The following EPB41L5 variants were observed in gnomAD, a reference collection of about 807,000 sequenced individuals.
EPB41L5 encodes the protein erythrocyte membrane protein band 4.1 like 5, also known as band 4.1-like protein 5.
EPB41L5 carries 55 observed loss-of-function variants against 106.6 expected under a neutral mutation model. The observed-to-expected ratio is 0.52, with a 90% CI of 0.42 to 0.65. The LOEUF is 0.65. EPB41L5 is among the 30% of genes least tolerant of loss of function. The probability of loss-of-function intolerance (pLI) is 0.00; values close to 1 mark genes in which losing one functional copy is unlikely to be tolerated. For synonymous variants in EPB41L5, 297 were observed against 306.7 expected, an observed-to-expected ratio of 0.97 and a Z score of 0.33; for missense variants, 871 against 882.1, an observed-to-expected ratio of 0.99 and a Z score of 0.16.
chr2:120,070,462 G>A (rs1405348661), intron 3 of EPB41L5, among the ~76,000 whole-genome samples: 3 of 152,090 alleles, frequency 2.0e-5, no homozygotes, highest in African/African-American at 7.2e-5. Context: ...AAAGAGGGAC[G>A]CCTCCCTAAC....
intron 1 of EPB41L5, among the ~76,000 whole-genome samples, chr2:120,017,169 T>C (rs1677582198): frequency 6.6e-6 from 1 of 152,256 alleles, no homozygotes; most frequent in South Asian, 2.1e-4. Context: ...CTCCCTCTCC[T>C]GAGGCAATCA....
intron 16 of EPB41L5, among the ~76,000 whole-genome samples, chr2:120,113,436 A>C (rs990823227): frequency 7.9e-5 from 12 of 152,242 alleles, no homozygotes; most frequent in Admixed American, 7.2e-4. Context: ...AATAGGTAGA[A>C]GAAAGAATGT....
intron 14 of EPB41L5, among the ~76,000 whole-genome samples, chr2:120,099,754 A>G (rs1359275091): frequency 6.6e-6 from 1 of 152,144 alleles, no homozygotes; most frequent in African/African-American, 2.4e-5. Flanking sequence ...ACGTGTTTAT[A>G]AGTCATTTGG....
intron 20 of EPB41L5, among the ~76,000 whole-genome samples, chr2:120,152,382 T>C (rs1686720026): frequency 6.6e-6 from 1 of 152,216 alleles, no homozygotes; most frequent in African/African-American, 2.4e-5. Flanking sequence ...TTATATAAGC[T>C]TTTTAATATT....
At chr2:120,126,028 T>C (rs1685445773) in intron 16 of EPB41L5, among the ~76,000 whole-genome samples, 1 of 152,190 alleles carries the variant, frequency 6.6e-6, no homozygotes, top group Non-Finnish European at 1.5e-5. Flanking sequence ...TCCCTATGTG[T>C]ATCTGTGTCC....
At chr2:120,102,356 G>A (rs1308048228) in intron 16 of EPB41L5, among the ~76,000 whole-genome samples, 1 of 152,056 alleles carries the variant, frequency 6.6e-6, no homozygotes, top group Non-Finnish European at 1.5e-5. Flanking sequence ...TCTTTATGTG[G>A]TTGTGCTGAG....
chr2:120,123,911 G>A (rs2105454646), intron 16 of EPB41L5, among the ~76,000 whole-genome samples: 1 of 152,108 alleles, frequency 6.6e-6, no homozygotes, highest in Middle Eastern at 3.4e-3. Flanking sequence ...TCCCACCTCG[G>A]CCTCCCAAAG....
chr2:120,075,979 C>T (rs1204950256), intron 7 of EPB41L5, among the ~76,000 whole-genome samples: 3 of 152,172 alleles, frequency 2.0e-5, no homozygotes, highest in African/African-American at 7.2e-5. Flanking sequence ...AAACGTCATA[C>T]TCTACCTGAT....
intron 3 of EPB41L5, among the ~76,000 whole-genome samples, chr2:120,058,709 A>G (rs181585887): frequency 5.9e-5 from 9 of 152,348 alleles, no homozygotes; most frequent in African/African-American, 2.2e-4. Context: ...ATCTTCAGGT[A>G]TTTCAAGAAA....
intron 16 of EPB41L5, among the ~76,000 whole-genome samples, chr2:120,121,508 T>G (rs1020759774): frequency 7.9e-5 from 12 of 152,210 alleles, no homozygotes; most frequent in Admixed American, 7.9e-4. Flanking sequence ...GCTTCATCCA[T>G]GTCCCTGCAA....
intron 2 of EPB41L5, among the ~76,000 whole-genome samples, chr2:120,029,322 T>C (rs1678549159): frequency 6.6e-6 from 1 of 152,144 alleles, no homozygotes; most frequent in Non-Finnish European, 1.5e-5. Context: ...CCCACCACTA[T>C]GCCCAGCTAA....
intron 16 of EPB41L5, among the ~76,000 whole-genome samples, chr2:120,102,369 C>T (rs1684196205): frequency 6.6e-6 from 1 of 152,094 alleles, no homozygotes; most frequent in South Asian, 2.1e-4. Flanking sequence ...GTGCTGAGAC[C>T]TCCTTTGCTG....
chr2:120,081,665 T>A (rs1214478504), intron 10 of EPB41L5, among the ~76,000 whole-genome samples: 1 of 152,214 alleles, frequency 6.6e-6, no homozygotes, highest in Non-Finnish European at 1.5e-5. Flanking sequence ...GTTAGCTTGA[T>A]GGGGATGGCA....
chr2:120,070,270 G>A (rs1681766612), intron 3 of EPB41L5, among the ~76,000 whole-genome samples: 1 of 152,072 alleles, frequency 6.6e-6, no homozygotes, highest in African/African-American at 2.4e-5. Flanking sequence ...ACCCTCCCAA[G>A]ACTAAACCAG....
chr2:120,080,437 T>G (rs936255842), intron 10 of EPB41L5, among the ~76,000 whole-genome samples: 1 of 152,250 alleles, frequency 6.6e-6, no homozygotes, highest in African/African-American at 2.4e-5. Context: ...GGATATGAAC[T>G]CATCCTTTTT....
At chr2:120,048,353 A>G (rs547589345) in intron 3 of EPB41L5, among the ~76,000 whole-genome samples, 2 of 152,156 alleles carry the variant, frequency 1.3e-5, no homozygotes, top group East Asian at 3.9e-4. Context: ...TTATTGATCT[A>G]TTCAGGGATT....
intron 17 of EPB41L5, 30 bp downstream of exon 17, chr2:120,127,881 A>G (rs1685529490): frequency 6.7e-7 from 1 of 1,503,070 alleles, no homozygotes; most frequent in Non-Finnish European, 9.0e-7. Flanking sequence ...TACATCAGTG[A>G]TACCTTTTTA....
At chr2:120,148,941 A>G (rs927729174) in intron 20 of EPB41L5, among the ~76,000 whole-genome samples, 12 of 121,368 alleles carry the variant, frequency 9.9e-5, no homozygotes, top group African/African-American at 1.4e-4. Flanking sequence ...GAACTGCCAA[A>G]TGTCTTCCAA....
At chr2:120,168,398 T>A (rs1687513302) in intron 24 of EPB41L5, among the ~76,000 whole-genome samples, 1 of 152,218 alleles carries the variant, frequency 6.6e-6, no homozygotes, top group Non-Finnish European at 1.5e-5. Context: ...GTTAGGATAC[T>A]CCTAGGGTGA....
Sources: gnomAD v4.1 joint callset for allele counts (sites outside exome capture counted in the v4.1 genomes callset) on GRCh38, gnomAD v4.1.1 for gene constraint, MANE v1.5 for transcripts, NCBI Gene and HGNC (gene_info 2026-07-23, HGNC 2026-07-21) for gene names.